SLC26A7: variants seen among roughly 807,000 people sequenced by gnomAD.
SLC26A7 encodes solute carrier family 26 member 7, also known as anion exchange transporter.
SLC26A7 carries 59 observed loss-of-function variants against 82.5 expected under a neutral mutation model. The ratio of observed to expected loss-of-function variants is 0.72; its 90% CI spans 0.58 to 0.89. The LOEUF (loss-of-function observed/expected upper bound fraction) is 0.89, where lower values mean the gene tolerates loss of function less well. SLC26A7 is among the 40% of genes least tolerant of loss of function. SLC26A7 has a pLI of 0.00. For missense variants in SLC26A7, 820 were observed against 793.0 expected (o/e 1.03, Z -0.41); for synonymous variants, 271 against 274.3 (o/e 0.99, Z 0.12).
intron 11 of SLC26A7, among the ~76,000 whole-genome samples, chr8:91,361,251 A>C (rs1814041798): frequency 6.6e-6 from 1 of 152,182 alleles, no homozygotes; most frequent in Non-Finnish European, 1.5e-5. Context: ...AAGTATTTCA[A>C]AAACAACAAT....
intron 2 of SLC26A7, among the ~76,000 whole-genome samples, chr8:91,264,288 C>T (rs939903614): frequency 2.0e-5 from 3 of 152,030 alleles, no homozygotes; most frequent in African/African-American, 7.2e-5. Flanking sequence ...CTAACATTGT[C>T]CCCCAGAATC....
intron 2 of SLC26A7, among the ~76,000 whole-genome samples, chr8:91,224,804 G>C (rs1011242387): frequency 6.6e-6 from 1 of 152,184 alleles, no homozygotes; most frequent in African/African-American, 2.4e-5. Flanking sequence ...TAAGTCTGCT[G>C]GTCCTTAGAG....
At chr8:91,288,325 A>G (rs902277895) in intron 2 of SLC26A7, among the ~76,000 whole-genome samples, 2 of 152,196 alleles carry the variant, frequency 1.3e-5, no homozygotes, top group African/African-American at 2.4e-5. Flanking sequence ...TTGTCGTTCC[A>G]AGGATCAGCC....
At chr8:91,329,128 G>C (rs1441361459) in intron 5 of SLC26A7, among the ~76,000 whole-genome samples, 1 of 152,118 alleles carries the variant, frequency 6.6e-6, no homozygotes. Context: ...ATCTACTGGA[G>C]CTTAGTGCAT....
At chr8:91,236,535 C>T (rs1311033100) in intron 2 of SLC26A7, among the ~76,000 whole-genome samples, 1 of 149,994 alleles carries the variant, frequency 6.7e-6, no homozygotes, top group African/African-American at 2.5e-5. Flanking sequence ...CAACATTCAT[C>T]ACTGATATAA....
intron 5 of SLC26A7, among the ~76,000 whole-genome samples, chr8:91,327,839 A>T (rs1247005689): frequency 6.6e-6 from 1 of 152,112 alleles, no homozygotes; most frequent in Non-Finnish European, 1.5e-5. Flanking sequence ...CTAAAGGGTT[A>T]TGTGTTGTTT....
chr8:91,385,815 A>T (rs1025422176), intron 15 of SLC26A7, among the ~76,000 whole-genome samples: 1 of 152,186 alleles, frequency 6.6e-6, no homozygotes, highest in Non-Finnish European at 1.5e-5. Context: ...GGAAATTGCA[A>T]GTACAATTTA....
chr8:91,332,233 A>G (rs1444217829), intron 5 of SLC26A7, among the ~76,000 whole-genome samples: 1 of 144,158 alleles, frequency 6.9e-6, no homozygotes, highest in Admixed American at 7.1e-5. Context: ...ATATATATTT[A>G]ATTAATATTT....
At chr8:91,269,223 A>G (rs548110233) in intron 2 of SLC26A7, among the ~76,000 whole-genome samples, 1 of 152,152 alleles carries the variant, frequency 6.6e-6, no homozygotes, top group East Asian at 1.9e-4. Flanking sequence ...ATGTCAGCAT[A>G]CTTTTCTTTT....
intron 2 of SLC26A7, among the ~76,000 whole-genome samples, chr8:91,260,386 T>C (rs995463715): frequency 5.3e-5 from 8 of 152,222 alleles, no homozygotes; most frequent in Admixed American, 5.2e-4. Flanking sequence ...ACATGTCGAT[T>C]ATGGAGATTA....
chr8:91,275,459 AT>A (rs1189734480), intron 2 of SLC26A7, among the ~76,000 whole-genome samples: 2 of 151,636 alleles, frequency 1.3e-5, no homozygotes, highest in Non-Finnish European at 2.9e-5. Context: ...TCTTTCACTG[AT>A]TTTTTTCTTT....
At chr8:91,364,683 G>C (rs1246718029) in intron 13 of SLC26A7, among the ~76,000 whole-genome samples, 1 of 152,096 alleles carries the variant, frequency 6.6e-6, no homozygotes, top group Non-Finnish European at 1.5e-5. Flanking sequence ...CTTTGGATTT[G>C]ACTATTTTCA....
chr8:91,294,146 A>G (rs1028729913), intron 3 of SLC26A7, among the ~76,000 whole-genome samples: 4 of 152,220 alleles, frequency 2.6e-5, no homozygotes, highest in African/African-American at 9.6e-5. Context: ...ACAGAGAAAA[A>G]CATACAATGA....
intron 1 of SLC26A7, among the ~76,000 whole-genome samples, chr8:91,213,835 T>A (rs1809982871): frequency 1.3e-5 from 2 of 152,102 alleles, no homozygotes; most frequent in Admixed American, 1.3e-4. Flanking sequence ...ATCATGTTCA[T>A]AGGGCAGTGA....
chr8:91,227,688 T>C (rs1810256324), intron 2 of SLC26A7, among the ~76,000 whole-genome samples: 1 of 152,216 alleles, frequency 6.6e-6, no homozygotes, highest in Non-Finnish European at 1.5e-5. Flanking sequence ...TTATGTATAT[T>C]AGCTATTTTA....
chr8:91,338,812 A>C (rs1053611065), intron 7 of SLC26A7, among the ~76,000 whole-genome samples: 1 of 152,144 alleles, frequency 6.6e-6, no homozygotes, highest in African/African-American at 2.4e-5. Context: ...AGAAAATAAA[A>C]ATATATGAGG....
rs1325663354 is a variant in SLC26A7 at position 91,366,619 on chromosome 8, C to T, written c.1528C>T (p.Pro510Ser). The T allele has an allele frequency of 8.1e-6, 13 of 1,613,328 alleles. No homozygotes were observed. The South Asian group carries it at 1.4e-4, about 18-fold the overall frequency. ...GGTGAAAATTATCTCAATAAACAAC[C>T]CGCTTGTTTTCCTGAATGCAAAAAA... ...QQVKIISINN[P>S]LVFLNAKKFY... Residue 510 changes from proline (P) to serine (S), a missense_variant, in exon 14 of 19, where the codon CCG (proline) becomes TCG (serine). Coordinates refer to ENST00000276609, the MANE Select transcript of SLC26A7 (RefSeq NM_052832.4).
chr8:91,393,953 ATGAC>A lies in SLC26A7; in HGVS notation c.1850_1853del (p.Met617SerfsTer6). On this transcript the variant is annotated frameshift_variant, in exon 18 of 19. Coordinates refer to ENST00000276609, the MANE Select transcript of SLC26A7 (RefSeq NM_052832.4). LOFTEE classifies it high-confidence loss of function. Reference sequence around the variant, plus strand: ...TCTTGAAGCTTCCTTGATAAAAGCAATGACGTATTATGGAAACCTAGACTCAGAG... The same window carrying A: ...TCTTGAAGCTTCCTTGATAAAAGCAAGTATTATGGAAACCTAGACTCAGAG... 6.2e-7 allele frequency: 1 copy of A among 1,613,682 alleles called. No individual in the cohort carries two copies. Among genetic ancestry groups the A allele is most frequent in the Non-Finnish European group, 8.5e-7 (1 of 1,179,642 alleles).
upstream of SLC26A7, among the ~76,000 whole-genome samples, chr8:91,245,135 A>G (rs1243563209): frequency 6.6e-6 from 1 of 152,210 alleles, no homozygotes; most frequent in Non-Finnish European, 1.5e-5. Flanking sequence ...AGCACCATAG[A>G]ATATCAGAAC....
Sources: gnomAD v4.1 joint callset for allele counts (sites outside exome capture counted in the v4.1 genomes callset) on GRCh38, gnomAD v4.1.1 for gene constraint, MANE v1.5 for transcripts, NCBI Gene and HGNC (gene_info 2026-07-23, HGNC 2026-07-21) for gene names.